Variants in NEXMIF observed in about 807,000 individuals in gnomAD.
NEXMIF encodes the protein XLMR protein related to neurite extension.
A neutral mutation model predicts 62.1 loss-of-function variants in NEXMIF; 8 were observed. The ratio of observed to expected loss-of-function variants is 0.13; its 90% CI spans 0.08 to 0.23. NEXMIF has a LOEUF of 0.23. Ranked by LOEUF, NEXMIF falls within the 10% of genes least tolerant of loss-of-function variation. The pLI, the probability that NEXMIF is intolerant of heterozygous loss-of-function variation, is 1.00. For synonymous variants in NEXMIF, 404 were observed against 416.6 expected (o/e 0.97, Z 0.37); for missense variants, 976 against 1,113.3 (o/e 0.88, Z 1.75).
At chrX:74,917,280 C>T (rs1207823203) in intron 1 of NEXMIF, among the ~76,000 whole-genome samples, 1 of 111,393 alleles carries the variant, frequency 9.0e-6, no homozygotes, top group Non-Finnish European at 1.9e-5. Flanking sequence ...TGGTCTCTTC[C>T]TCCTGCTCTG....
chrX:74,825,847 G>A (rs182841384), intron 1 of NEXMIF, among the ~76,000 whole-genome samples: 40 of 112,378 alleles, frequency 3.6e-4, no homozygotes, highest in African/African-American at 1.2e-3. Flanking sequence ...GCCACCACCC[G>A]GCCATGATCT....
intron 1 of NEXMIF, among the ~76,000 whole-genome samples, chrX:74,748,226 G>T (rs1365943835): frequency 1.8e-5 from 2 of 112,000 alleles, no homozygotes; most frequent in African/African-American, 6.5e-5. Context: ...AGGGAAAACT[G>T]AGTATCACAG....
chrX:74,768,371 C>T lies in NEXMIF; in HGVS notation c.-47-22674G>A, dbSNP rs766071614. Among the ~76,000 whole-genome samples, 3 of 112,016 alleles carry T rather than the reference C, an allele frequency of 2.7e-5. No homozygotes were observed. In the South Asian group the frequency reaches 1.1e-3, roughly 42 times the overall value. ...CAGTTAAAGGTGCTGTATCTACTTG[C>T]CACTTCTCTCCATGAAAGCAGCACG... On this transcript the variant is annotated intron_variant, in intron 1 of 3. Transcript: ENST00000055682.
chrX:74,743,688 T>A lies in NEXMIF; in HGVS notation c.869A>T (p.Asp290Val). ...ATCATCAAACATGTAGTTATCCACA[T>A]CTTCTTCAGAGAATAGGTTGACAGA... ...ELSVNLFSEEDVDNYMFDDDE... is the reference protein window; with the variant it reads ...ELSVNLFSEEVVDNYMFDDDE... The change falls in exon 3 of 4, where the codon GAT becomes GTT. Residue 290 changes from aspartate (D) to valine (V), a missense_variant. This residue lies in a region of NEXMIF where 45 missense variants were observed against 86.8 expected (regional missense o/e 0.52). Coordinates refer to ENST00000055682, the MANE Select transcript of NEXMIF (RefSeq NM_001008537.3). 1 of 1,211,599 alleles carries A rather than the reference T, an allele frequency of 8.3e-7. No individual in the cohort carries two copies. The highest frequency in any genetic ancestry group is 3.0e-5 in the East Asian group (1 of 33,838).
intron 1 of NEXMIF, among the ~76,000 whole-genome samples, chrX:74,879,121 G>A (rs1250283336): frequency 8.9e-6 from 1 of 112,311 alleles, no homozygotes; most frequent in Admixed American, 9.4e-5. Flanking sequence ...TTGTAGCCTA[G>A]GAGCCATAGG....
intron 1 of NEXMIF, among the ~76,000 whole-genome samples, chrX:74,866,667 T>C (rs1228565472): frequency 1.8e-5 from 2 of 112,522 alleles, no homozygotes; most frequent in African/African-American, 6.5e-5. Context: ...GGGACATAAT[T>C]GAATCATGGG....
intron 1 of NEXMIF, among the ~76,000 whole-genome samples, chrX:74,910,462 G>T (rs1254979022): frequency 3.6e-5 from 4 of 112,109 alleles, no homozygotes; most frequent in African/African-American, 1.3e-4. Flanking sequence ...CATTGTATCT[G>T]GGAAGTAACT....
chrX:74,764,252 T>C (rs2080187664), intron 1 of NEXMIF, among the ~76,000 whole-genome samples: 1 of 111,968 alleles, frequency 8.9e-6, no homozygotes, highest in Admixed American at 9.5e-5. Context: ...TTGGTTCTGT[T>C]TATATGCTGG....
chrX:74,804,383 T>C lies in NEXMIF; in HGVS notation c.-47-58686A>G, dbSNP rs144496409. Among the ~76,000 whole-genome samples the C allele has an allele frequency of 9.8e-3, 1,100 of 112,210 alleles. 14 individuals are homozygous for C. The highest frequency in any genetic ancestry group is 0.034 in the African/African-American group (1,051 of 30,866). On this transcript the variant is annotated intron_variant, in intron 1 of 3. Transcript: ENST00000055682. ...AGCTGGGAATGTACTGAGTCTTACC[T>C]GAAGCCAGCTAGTCTCAGAGTCTCA...
At position 74,869,432 on chromosome X, in the gene NEXMIF, T is replaced by A. The variant is rs189870148; in HGVS notation, c.-48+55451A>T. ...TGGAACATGACAAAGATGCCCACTA[T>A]CACCACTGATATTCAACATATTACT... On this transcript the variant is annotated intron_variant, in intron 1 of 3. Transcript: ENST00000055682. Among the ~76,000 whole-genome samples, 6 of 111,731 alleles carry A rather than the reference T, an allele frequency of 5.4e-5. No homozygotes were observed. The East Asian group carries it at 1.1e-3, about 21-fold the overall frequency.
At chrX:74,799,036 T>G (rs1285211127) in intron 1 of NEXMIF, among the ~76,000 whole-genome samples, 1 of 111,139 alleles carries the variant, frequency 9.0e-6, no homozygotes, top group African/African-American at 3.3e-5. Flanking sequence ...CTGCTTTATT[T>G]TTTATTTTTG....
intron 1 of NEXMIF, among the ~76,000 whole-genome samples, chrX:74,830,183 G>A (rs1163993071): frequency 8.9e-6 from 1 of 111,820 alleles, no homozygotes; most frequent in Non-Finnish European, 1.9e-5. Context: ...ATAGTTTGAG[G>A]TCTAAGATTT....
chrX:74,846,788 T>C (rs968776013), intron 1 of NEXMIF, among the ~76,000 whole-genome samples: 2 of 112,156 alleles, frequency 1.8e-5, no homozygotes, highest in African/African-American at 6.5e-5. Flanking sequence ...TCTTGTATCA[T>C]TTAACTATAA....
At chrX:74,828,922 G>A (rs1489714153) in intron 1 of NEXMIF, among the ~76,000 whole-genome samples, 1 of 111,879 alleles carries the variant, frequency 8.9e-6, no homozygotes, top group Non-Finnish European at 1.9e-5. Flanking sequence ...TAAAACTAAA[G>A]CACTCATGAC....
intron 1 of NEXMIF, among the ~76,000 whole-genome samples, chrX:74,829,202 A>C (rs1218491853): frequency 8.9e-6 from 1 of 112,023 alleles, no homozygotes; most frequent in Non-Finnish European, 1.9e-5. Flanking sequence ...TGTTACAAAC[A>C]ATCCAATTAT....
intron 1 of NEXMIF, among the ~76,000 whole-genome samples, chrX:74,873,499 T>C (rs1300468988): frequency 8.9e-6 from 1 of 112,188 alleles, no homozygotes; most frequent in Non-Finnish European, 1.9e-5. Flanking sequence ...CCTTTGGGTA[T>C]ATACCCAGTA....
chrX:74,848,808 G>C (rs1004726241), intron 1 of NEXMIF, among the ~76,000 whole-genome samples: 8 of 111,212 alleles, frequency 7.2e-5, no homozygotes, highest in African/African-American at 2.6e-4. Flanking sequence ...CATGAGAGTG[G>C]ACCACTCATG....
In NEXMIF at chrX:74,741,194, C is replaced by A. The variant is rs2080101900; in HGVS notation, c.3363G>T (p.Arg1121=). 1 of 1,209,327 alleles carries A rather than the reference C, an allele frequency of 8.3e-7. No individual in the cohort carries two copies. The highest frequency in any genetic ancestry group is 1.8e-5 in the African/African-American group (1 of 56,935). Residue 1121 remains arginine (R), a synonymous_variant, in exon 3 of 4, where the codon CGG becomes CGT. Coordinates refer to ENST00000055682, the MANE Select transcript of NEXMIF (RefSeq NM_001008537.3). The part of the protein sequence containing the change: ...KIKWDCSTLS[R]QVQMEDGFTL... ...TAAATCCATCCTCCATTTGGACCTGCCGTGAAAGGGTACTGCAGTCCCACT... is the reference window on the plus strand; with the variant it reads ...TAAATCCATCCTCCATTTGGACCTGACGTGAAAGGGTACTGCAGTCCCACT...
chrX:74,783,342 G>A (rs1049749226), intron 1 of NEXMIF, among the ~76,000 whole-genome samples: 5 of 111,863 alleles, frequency 4.5e-5, no homozygotes, highest in African/African-American at 1.6e-4. Flanking sequence ...GGTAGGGAAA[G>A]GAGTGATTCC....
Sources: gnomAD v4.1 joint callset for allele counts (sites outside exome capture counted in the v4.1 genomes callset) on GRCh38, gnomAD v4.1.1 for gene constraint, gnomAD v4.1.1 regional missense constraint, MANE v1.5 for transcripts, NCBI Gene and HGNC (gene_info 2026-07-23, HGNC 2026-07-21) for gene names.